Variants in CYB561A3 observed in about 807,000 individuals in gnomAD.
CYB561A3 encodes the protein cytochrome b561 family member A3, also known as lysosomal membrane ascorbate-dependent ferrireductase CYB561A3.
A neutral mutation model predicts 25.3 loss-of-function variants in CYB561A3; 16 were observed. The ratio of observed to expected loss-of-function variants is 0.63; its 90% CI spans 0.43 to 0.96. The LOEUF (loss-of-function observed/expected upper bound fraction) is 0.96, where lower values mean the gene tolerates loss of function less well. Among genes scored for constraint, CYB561A3 ranks in the 40% least tolerant of loss-of-function variants. The probability of loss-of-function intolerance (pLI) is 0.00; values close to 1 mark genes in which losing one functional copy is unlikely to be tolerated. For missense variants in CYB561A3, 219 were observed against 307.5 expected, an observed-to-expected ratio of 0.71 and a Z score of 2.15; for synonymous variants, 131 against 129.9, an observed-to-expected ratio of 1.01 and a Z score of -0.06.
At chr11:61,357,163 A>G (rs1462905243) in intron 2 of CYB561A3, 1 of 1,550,944 alleles carries the variant, frequency 6.4e-7, no homozygotes, top group Admixed American at 2.0e-5. Flanking sequence ...ATAAGAAGGC[A>G]AAAATTACAG....
At chr11:61,356,903 T>C in intron 2 of CYB561A3, 175 bp from the exon 3 acceptor site, 4 of 1,443,932 alleles carry the variant, frequency 2.8e-6, no homozygotes, top group Non-Finnish European at 3.6e-6. Flanking sequence ...TGGGTGGGCC[T>C]GATCTTCAGT....
chr11:61,355,172 C>T (rs1363352986), intron 3 of CYB561A3, among the ~76,000 whole-genome samples: 1 of 152,018 alleles, frequency 6.6e-6, no homozygotes, highest in Non-Finnish European at 1.5e-5. Flanking sequence ...CTGGCCTGGC[C>T]TCTCCTGTCT....
intron 3 of CYB561A3, chr11:61,355,965 G>A (rs1330987965): frequency 4.0e-5 from 6 of 150,468 alleles, no homozygotes; most frequent in Non-Finnish European, 5.9e-5. Flanking sequence ...GGTGGCAGGC[G>A]CCTGTAGTCC....
chr11:61,356,452 G>A, intron 3 of CYB561A3, 78 bp downstream of exon 3: 31 of 1,176,232 alleles, frequency 2.6e-5, no homozygotes, highest in South Asian at 1.1e-4. Flanking sequence ...CATTTACAAA[G>A]GCCAGCCTTG....
rs1463930789 is a variant in CYB561A3, at chr11:61,349,628, T to A, written c.*771A>T. The A allele has an allele frequency of 1.4e-6, 1 of 702,818 alleles. No individual in the cohort carries two copies. The highest frequency in any genetic ancestry group is 1.7e-5 in the African/African-American group (1 of 57,256). The allele number at this position is 702,818 out of a possible 1,614,324, so 43.5% of individuals were successfully genotyped here. On this transcript the variant is annotated 3_prime_UTR_variant, in exon 7 of 7. Coordinates refer to ENST00000294072, the MANE Select transcript of CYB561A3 (RefSeq NM_153611.6). ...ACAGGGAAAGGCCGGGATCCAGGCC[T>A]CAGCTGTAGCAGCAGCTGGAAGAGG...
At chr11:61,354,030 C>G (rs1437328604) in intron 3 of CYB561A3, 38 bp from the exon 4 acceptor site, 2 of 1,607,292 alleles carry the variant, frequency 1.2e-6, no homozygotes, top group East Asian at 4.5e-5. Flanking sequence ...AGCCTCTCCC[C>G]TCGAGCTCAC....
intron 5 of CYB561A3, chr11:61,352,395 C>T (rs1312612465): frequency 6.5e-6 from 1 of 154,406 alleles, no homozygotes; most frequent in African/African-American, 2.4e-5. Context: ...GGTGCAGTGG[C>T]TCATGCCTGT....
At chr11:61,356,900 G>A (rs1412642732) in intron 2 of CYB561A3, 172 bp from the exon 3 acceptor site, 2 of 1,444,654 alleles carry the variant, frequency 1.4e-6, no homozygotes, top group African/African-American at 2.9e-5. Context: ...GCCTGGGTGG[G>A]CCTGATCTTC....
intron 1 of CYB561A3, chr11:61,359,511 T>C (rs902395082): frequency 7.0e-6 from 1 of 143,494 alleles, no homozygotes; most frequent in Non-Finnish European, 1.5e-5. Flanking sequence ...TCCACAACTG[T>C]TTTTTTTTTC....
chr11:61,352,780 T>C (rs1016313550), intron 5 of CYB561A3: 46 of 1,428,116 alleles, frequency 3.2e-5, no homozygotes, highest in Non-Finnish European at 4.2e-5. Context: ...CAGCAGGTGC[T>C]AAATCAAACT....
intron 6 of CYB561A3, 117 bp from the exon 7 acceptor site, chr11:61,350,539 C>T (rs538091161): frequency 1.8e-5 from 24 of 1,346,548 alleles, no homozygotes; most frequent in Non-Finnish European, 2.5e-5. Flanking sequence ...GCCACCAAAT[C>T]CCTCAGGGAA....
chr11:61,353,396 C>T (rs924936198), intron 4 of CYB561A3: 2 of 605,042 alleles, frequency 3.3e-6, no homozygotes, highest in African/African-American at 3.7e-5. Flanking sequence ...TGGTTCCTTC[C>T]AGTCCTTGCT....
intron 2 of CYB561A3, chr11:61,357,010 G>T: frequency 6.8e-7 from 1 of 1,471,294 alleles, no homozygotes; most frequent in Non-Finnish European, 9.1e-7. Flanking sequence ...AGATGCCAAG[G>T]CCCAAGACCC....
Position 61,350,306 on chromosome 11 carries a change from C to G in CYB561A3, c.*93G>C. ...CCCAGCATTGGAAGAAAGTCGCCTG[C>G]TGAAACCAGCCGGGAGCCCTGGGAA... On this transcript the variant is annotated 3_prime_UTR_variant, in exon 7 of 7. Coordinates refer to ENST00000294072, the MANE Select transcript of CYB561A3 (RefSeq NM_153611.6). The G allele has an allele frequency of 1.3e-6, 2 of 1,521,078 alleles. No individual in the cohort carries two copies. Among genetic ancestry groups the G allele is most frequent in the Non-Finnish European group, 1.8e-6 (2 of 1,123,678 alleles). 94.2% of individuals were successfully genotyped at this position (1,521,078 alleles called of 1,614,324 possible).
intron 5 of CYB561A3, chr11:61,352,761 T>G (rs1295593666): frequency 1.5e-6 from 2 of 1,378,832 alleles, no homozygotes; most frequent in African/African-American, 2.9e-5. Context: ...TAGTACTGTT[T>G]CTGACACACA....
intron 4 of CYB561A3, 93 bp from the exon 5 acceptor site, chr11:61,353,232 G>A: frequency 6.9e-7 from 1 of 1,449,486 alleles, no homozygotes; most frequent in African/African-American, 1.4e-5. Flanking sequence ...TCTGCTCCCT[G>A]GCTCTTCTTT....
intron 6 of CYB561A3, 153 bp downstream of exon 6, chr11:61,350,838 T>C (rs1010956377): frequency 1.8e-6 from 2 of 1,106,350 alleles, no homozygotes; most frequent in African/African-American, 1.6e-5. Flanking sequence ...GGACCAGTGC[T>C]CCCCATCAGC....
chr11:61,349,776 C>G lies in CYB561A3; in HGVS notation c.*623G>C. ...CCACTCCCCCTTTCTGCAATCACCC[C>G]ATGATGTCTCCACCCCACCTCACAT... On this transcript the variant is annotated 3_prime_UTR_variant, in exon 7 of 7. Transcript: ENST00000294072. 1.6e-6 allele frequency: 1 copy of G among 641,816 alleles called. No homozygotes were observed. Among genetic ancestry groups the G allele is most frequent in the Non-Finnish European group, 2.9e-6 (1 of 349,862 alleles). The allele number at this position is 641,816 out of a possible 1,614,324, so 39.8% of individuals were successfully genotyped here.
chr11:61,354,060 C>A (rs1286297799), intron 3 of CYB561A3, 68 bp from the exon 4 acceptor site: 2 of 1,546,738 alleles, frequency 1.3e-6, no homozygotes, highest in Non-Finnish European at 1.8e-6. Flanking sequence ...AGGGAATAAC[C>A]CTGATAGGAT....
Sources: gnomAD v4.1 joint callset for allele counts (sites outside exome capture counted in the v4.1 genomes callset) on GRCh38, gnomAD v4.1.1 for gene constraint, MANE v1.5 for transcripts, NCBI Gene and HGNC (gene_info 2026-07-23, HGNC 2026-07-21) for gene names.